The following CTNNA2 variants were observed in gnomAD, a reference collection of about 807,000 sequenced individuals.
The protein encoded by CTNNA2 is catenin alpha-2.
In CTNNA2, 42 loss-of-function variants were observed where a neutral mutation model predicts 101.0. The ratio of observed to expected loss-of-function variants is 0.42; its 90% CI spans 0.32 to 0.54. CTNNA2 has a LOEUF of 0.54. Among genes scored for constraint, CTNNA2 ranks in the 20% least tolerant of loss-of-function variants. The pLI, the probability that CTNNA2 is intolerant of heterozygous loss-of-function variation, is 0.14. For missense variants in CTNNA2, 871 were observed against 1,223.1 expected (o/e 0.71, Z 4.29); for synonymous variants, 450 against 456.4 (o/e 0.99, Z 0.18).
chr2:80,567,535 T>C (rs1694168601), intron 12 of CTNNA2, among the ~76,000 whole-genome samples: 1 of 152,148 alleles, frequency 6.6e-6, no homozygotes, highest in African/African-American at 2.4e-5. Context: ...TTTTTTCCTC[T>C]CTTCTGTCAT....
At chr2:79,612,638 A>G (rs1009392267) in intron 1 of CTNNA2, among the ~76,000 whole-genome samples, 1 of 152,156 alleles carries the variant, frequency 6.6e-6, no homozygotes, top group African/African-American at 2.4e-5. Context: ...TTGTAGAATG[A>G]GCTCTGTTTC....
At chr2:79,564,025 T>C (rs1674956174) in intron 1 of CTNNA2, among the ~76,000 whole-genome samples, 1 of 152,078 alleles carries the variant, frequency 6.6e-6, no homozygotes, top group African/African-American at 2.4e-5. Flanking sequence ...GAGATGGAGA[T>C]GGCACAAGAA....
chr2:79,498,270 T>C (rs1260971936), intron 4 of CTNNA2: 1 of 152,122 alleles, frequency 6.6e-6, no homozygotes, highest in East Asian at 1.9e-4. Flanking sequence ...CATGGAAGAG[T>C]GTGTCCTTTC....
intron 4 of CTNNA2, among the ~76,000 whole-genome samples, chr2:79,468,243 A>G (rs1413136429): frequency 6.6e-6 from 1 of 152,200 alleles, no homozygotes; most frequent in Non-Finnish European, 1.5e-5. Flanking sequence ...TCTCTGATAA[A>G]ACAGACTTTA....
Position 79,835,005 on chromosome 2 carries a change from C to T in CTNNA2, c.299-23008C>T, listed in dbSNP as rs535603116. On this transcript the variant is annotated intron_variant, in intron 3 of 18. Coordinates refer to ENST00000402739, the MANE Select transcript of CTNNA2 (RefSeq NM_001282597.3). ...GTAAGTTGAGCTGTTTGCAGGCTAT[C>T]TACTCTATAGGTCAATTTCTATATG... Among the ~76,000 whole-genome samples, 9 of 152,182 alleles carry T rather than the reference C, an allele frequency of 5.9e-5. 2 individuals carry two copies. Among genetic ancestry groups the T allele is most frequent in the African/African-American group, 2.2e-4 (9 of 41,542 alleles).
chr2:79,858,285 C>G, intron 4 of CTNNA2, 106 bp downstream of exon 4: 2 of 766,250 alleles, frequency 2.6e-6, no homozygotes, highest in Non-Finnish European at 4.0e-6. Flanking sequence ...CTCACCAGAT[C>G]AGTTCATTAC....
chr2:79,716,383 A>C (rs1270256242), intron 2 of CTNNA2, among the ~76,000 whole-genome samples: 4 of 152,150 alleles, frequency 2.6e-5, no homozygotes, highest in Admixed American at 2.6e-4. Flanking sequence ...CCAGCACCTC[A>C]GTGTTGCATC....
chr2:80,214,990 G>A (rs968137263), intron 7 of CTNNA2, among the ~76,000 whole-genome samples: 12 of 151,858 alleles, frequency 7.9e-5, no homozygotes, highest in Admixed American at 2.6e-4. Context: ...TTCTCTTCTC[G>A]CTTCATTTCA....
At chr2:79,360,313 T>C (rs1212005376) in intron 3 of CTNNA2, among the ~76,000 whole-genome samples, 1 of 152,136 alleles carries the variant, frequency 6.6e-6, no homozygotes, top group Non-Finnish European at 1.5e-5. Context: ...AGATGAGAAT[T>C]TCAACAGGTG....
At chr2:79,553,524 A>C (rs1412266843) in intron 1 of CTNNA2, among the ~76,000 whole-genome samples, 1 of 152,208 alleles carries the variant, frequency 6.6e-6, no homozygotes, top group African/African-American at 2.4e-5. Flanking sequence ...GGTTTAATTC[A>C]TTCACAGTTG....
At chr2:79,982,374 TAAC>T (rs1691419549) in intron 7 of CTNNA2, among the ~76,000 whole-genome samples, 1 of 42,898 alleles carries the variant, frequency 2.3e-5, no homozygotes, top group African/African-American at 9.1e-5. Flanking sequence ...AACATATATA[TAAC>T]ATATATAACA....
chr2:80,226,562 T>G (rs13416925), intron 7 of CTNNA2, among the ~76,000 whole-genome samples: 29,504 of 152,236 alleles, frequency 0.19, 3,960 homozygotes, highest in African/African-American at 0.37. Flanking sequence ...CTGATTTGAC[T>G]GGTCCCCCTG....
At chr2:80,448,710 T>G (rs752910793) in intron 9 of CTNNA2, among the ~76,000 whole-genome samples, 2 of 152,150 alleles carry the variant, frequency 1.3e-5, no homozygotes, top group Non-Finnish European at 2.9e-5. Flanking sequence ...GGACTGATTT[T>G]TTACAGGGTT....
intron 12 of CTNNA2, among the ~76,000 whole-genome samples, chr2:80,570,128 A>G (rs1391828573): frequency 6.6e-6 from 1 of 152,064 alleles, no homozygotes; most frequent in Non-Finnish European, 1.5e-5. Context: ...GGTTCACTGC[A>G]ACCTCTGCCT....
chr2:79,407,512 C>A (rs1043073592), intron 4 of CTNNA2, among the ~76,000 whole-genome samples: 1 of 151,926 alleles, frequency 6.6e-6, no homozygotes, highest in Non-Finnish European at 1.5e-5. Context: ...TCCCCACACA[C>A]CTACAACATA....
intron 15 of CTNNA2, among the ~76,000 whole-genome samples, chr2:80,597,253 C>T (rs1408437243): frequency 6.6e-6 from 1 of 152,078 alleles, no homozygotes; most frequent in Non-Finnish European, 1.5e-5. Context: ...AACTGGCTAG[C>T]CATATGCAGA....
chr2:79,206,950 T>C (rs1674107513), intron 2 of CTNNA2, among the ~76,000 whole-genome samples: 1 of 152,186 alleles, frequency 6.6e-6, no homozygotes, highest in Admixed American at 6.5e-5. Context: ...TGTTTTCTCT[T>C]CTTAGCAACC....
chr2:80,590,475 A>G (rs529428032), intron 15 of CTNNA2, among the ~76,000 whole-genome samples: 1 of 151,958 alleles, frequency 6.6e-6, no homozygotes, highest in Admixed American at 6.6e-5. Flanking sequence ...AGATGTTTTA[A>G]TGATTTAACG....
At chr2:80,191,269 G>A (rs1573348896) in intron 7 of CTNNA2, among the ~76,000 whole-genome samples, 1 of 152,120 alleles carries the variant, frequency 6.6e-6, no homozygotes, top group Non-Finnish European at 1.5e-5. Context: ...AACAAACTTT[G>A]GTAAGATTTT....
Sources: gnomAD v4.1 joint callset for allele counts (sites outside exome capture counted in the v4.1 genomes callset) on GRCh38, gnomAD v4.1.1 for gene constraint, MANE v1.5 for transcripts, NCBI Gene and HGNC (gene_info 2026-07-23, HGNC 2026-07-21) for gene names.